The following SMCO2 variants were observed in gnomAD, a reference collection of about 807,000 sequenced individuals.
The protein encoded by SMCO2 is single-pass membrane and coiled-coil domain-containing protein 2.
In SMCO2, 25 loss-of-function variants were observed where a neutral mutation model predicts 29.5. The ratio of observed to expected loss-of-function variants is 0.85; its 90% CI spans 0.62 to 1.18. SMCO2 has a LOEUF of 1.18. Ranked by LOEUF, SMCO2 falls within the 50% of genes most tolerant of loss-of-function variation. The pLI, the probability that SMCO2 is intolerant of heterozygous loss-of-function variation, is 0.00. For synonymous variants in SMCO2, 117 were observed against 123.3 expected, an observed-to-expected ratio of 0.95 and a Z score of 0.34; for missense variants, 348 against 344.5, an observed-to-expected ratio of 1.01 and a Z score of -0.08.
At chr12:27,455,556 T>C in the SMCO2 span, among the ~76,000 whole-genome samples, 2 of 152,154 alleles carry the variant, frequency 1.3e-5, no homozygotes, top group Non-Finnish European at 2.9e-5. Context: ...TGCTGTGGAG[T>C]AGGTTTTTTG....
the SMCO2 span, among the ~76,000 whole-genome samples, chr12:27,443,706 T>A: frequency 6.6e-6 from 1 of 152,168 alleles, no homozygotes; most frequent in South Asian, 2.1e-4. Context: ...ATAGTATTTA[T>A]ATATGCCACC....
chr12:27,484,862 AAAAAAAAAAATATAT>A (rs1565679345), intron 4 of SMCO2, among the ~76,000 whole-genome samples: 3 of 137,298 alleles, frequency 2.2e-5, no homozygotes, highest in Non-Finnish European at 3.1e-5. Context: ...AAAAAAAAAA[AAAAAAAAAAATATAT>A]ATATATATAT....
the SMCO2 span, among the ~76,000 whole-genome samples, chr12:27,436,608 G>C: frequency 1.3e-5 from 2 of 152,140 alleles, no homozygotes; most frequent in African/African-American, 4.8e-5. Context: ...GAGCTTCCGG[G>C]TGCCTAGCTA....
chr12:27,455,647 A>T, the SMCO2 span, among the ~76,000 whole-genome samples: 1 of 152,228 alleles, frequency 6.6e-6, no homozygotes, highest in East Asian at 1.9e-4. Flanking sequence ...TTGTATGTGC[A>T]AAAAGAAGCA....
intron 4 of SMCO2, among the ~76,000 whole-genome samples, chr12:27,482,612 T>C (rs926857602): frequency 6.6e-6 from 1 of 152,242 alleles, no homozygotes. Context: ...ACCCATGGAT[T>C]ATTTAAAGTA....
intron 4 of SMCO2, among the ~76,000 whole-genome samples, chr12:27,487,526 T>C (rs1949698740): frequency 2.0e-5 from 3 of 152,216 alleles, no homozygotes; most frequent in Non-Finnish European, 4.4e-5. Flanking sequence ...TAAAGCTGCT[T>C]TGAATATACG....
At chr12:27,489,759 C>T (rs1592215907) in intron 5 of SMCO2, among the ~76,000 whole-genome samples, 1 of 152,072 alleles carries the variant, frequency 6.6e-6, no homozygotes, top group South Asian at 2.1e-4. Context: ...TTTTCACTAT[C>T]TTTGGGCTTT....
At chr12:27,485,342 T>G (rs914961336) in intron 4 of SMCO2, among the ~76,000 whole-genome samples, 4 of 152,078 alleles carry the variant, frequency 2.6e-5, no homozygotes, top group African/African-American at 4.8e-5. Context: ...ACTCATGTTT[T>G]TCTCTACCTT....
chr12:27,453,105 C>T, the SMCO2 span, among the ~76,000 whole-genome samples: 1 of 152,116 alleles, frequency 6.6e-6, no homozygotes, highest in Non-Finnish European at 1.5e-5. Context: ...TAGATTGGCC[C>T]CCAGTTTTTA....
chr12:27,475,762 A>T, intron 4 of SMCO2, 31 bp downstream of exon 5: 1 of 1,438,978 alleles, frequency 6.9e-7, no homozygotes, highest in Non-Finnish European at 9.1e-7. Flanking sequence ...TTGGTCATAA[A>T]ATAGCAGAAA....
chr12:27,469,355 T>C (rs979304041), intron 1 of SMCO2, among the ~76,000 whole-genome samples: 1 of 152,170 alleles, frequency 6.6e-6, no homozygotes. Flanking sequence ...ATGCTTCTCT[T>C]TCACAGGGGC....
At chr12:27,469,177 T>A (rs1295012989) in intron 1 of SMCO2, among the ~76,000 whole-genome samples, 1 of 152,220 alleles carries the variant, frequency 6.6e-6, no homozygotes, top group Admixed American at 6.5e-5. Flanking sequence ...ATTGCCTTTG[T>A]AATGCTTAAC....
the SMCO2 span, chr12:27,425,118 G>A: frequency 5.7e-4 from 86 of 152,140 alleles, no homozygotes; most frequent in African/African-American, 1.8e-3. Context: ...ATATTCTTGA[G>A]TTTAGATTTG....
chr12:27,426,751 A>T, the SMCO2 span, among the ~76,000 whole-genome samples: 103 of 152,310 alleles, frequency 6.8e-4, no homozygotes, highest in African/African-American at 2.5e-3. Flanking sequence ...CAAAAGTTTA[A>T]CCCAAATAAC....
chr12:27,439,291 G>A, the SMCO2 span, among the ~76,000 whole-genome samples: 1 of 152,182 alleles, frequency 6.6e-6, no homozygotes, highest in South Asian at 2.1e-4. Context: ...ACACTGCTGG[G>A]ATAATCCCTT....
At chr12:27,443,722 A>G in the SMCO2 span, among the ~76,000 whole-genome samples, 11 of 152,182 alleles carry the variant, frequency 7.2e-5, no homozygotes, top group African/African-American at 2.4e-4. Flanking sequence ...CCACCAGTGA[A>G]CAATTTGTAA....
intron 7 of SMCO2, 140 bp from the exon 9 acceptor site, chr12:27,501,783 C>A: frequency 1.6e-6 from 1 of 618,042 alleles, no homozygotes; most frequent in Non-Finnish European, 2.6e-6. Context: ...TTCCAAGCTG[C>A]TGCTTTTACA....
chr12:27,443,115 AC>A, the SMCO2 span, among the ~76,000 whole-genome samples: 1 of 152,250 alleles, frequency 6.6e-6, no homozygotes, highest in Non-Finnish European at 1.5e-5. Flanking sequence ...AAAATCCTCA[AC>A]AAAATACTAG....
chr12:27,466,217 T>C (rs1949497427), upstream of SMCO2, among the ~76,000 whole-genome samples: 1 of 151,556 alleles, frequency 6.6e-6, no homozygotes, highest in Non-Finnish European at 1.5e-5. Context: ...AGGTCAGGAG[T>C]TCGAGACCAG....
Sources: gnomAD v4.1 joint callset for allele counts (sites outside exome capture counted in the v4.1 genomes callset) on GRCh38, gnomAD v4.1.1 for gene constraint, MANE v1.5 for transcripts, NCBI Gene and HGNC (gene_info 2026-07-23, HGNC 2026-07-21) for gene names.